PIGU: variants seen among roughly 807,000 people sequenced by gnomAD.
PIGU encodes GPI-anchor transamidase component PIGU.
In PIGU, 24 loss-of-function variants were observed where a neutral mutation model predicts 49.9. The observed-to-expected ratio is 0.48, with a 90% CI of 0.35 to 0.68. PIGU has a LOEUF of 0.68. Among genes scored for constraint, PIGU ranks in the 30% least tolerant of loss-of-function variants. The probability of loss-of-function intolerance (pLI) is 0.01; values close to 1 mark genes in which losing one functional copy is unlikely to be tolerated. For synonymous variants in PIGU, 220 were observed against 205.7 expected, an observed-to-expected ratio of 1.07 and a Z score of -0.59; for missense variants, 490 against 532.6, an observed-to-expected ratio of 0.92 and a Z score of 0.79.
chr20:34,653,059 G>A (rs1379608551), intron 2 of PIGU, among the ~76,000 whole-genome samples: 2 of 150,460 alleles, frequency 1.3e-5, no homozygotes, highest in South Asian at 2.1e-4. Flanking sequence ...TGCAAGCTCC[G>A]CCTCCCAGGT....
chr20:34,625,216 G>A (rs1361697574), intron 6 of PIGU, among the ~76,000 whole-genome samples: 1 of 151,742 alleles, frequency 6.6e-6, no homozygotes, highest in Non-Finnish European at 1.5e-5. Context: ...TACTAAAAAT[G>A]CAAAATTCGG....
rs6059966 is a variant in PIGU at position 34,649,167 on chromosome 20, T to C, written c.196-3833A>G. ...CAGGTGTGAGCCACCACGCCCGGTC[T>C]GTTTTATTTTGAACTTATGTTCAAA... is the stretch of plus-strand genomic sequence containing the variant. On this transcript the variant is annotated intron_variant, in intron 2 of 11. Coordinates refer to ENST00000217446, the MANE Select transcript of PIGU (RefSeq NM_080476.5). Among the ~76,000 whole-genome samples, 627 of 152,012 alleles carry C rather than the reference T, an allele frequency of 4.1e-3. 14 individuals carry two copies. Among genetic ancestry groups the C allele is most frequent in the African/African-American group, 0.014 (566 of 41,430 alleles).
intron 7 of PIGU, among the ~76,000 whole-genome samples, chr20:34,607,771 CTGCACAGAGTTG>C: frequency 6.6e-6 from 1 of 152,148 alleles, no homozygotes; most frequent in Non-Finnish European, 1.5e-5. Flanking sequence ...TGCTGTGGGA[CTGCACAGAGTTG>C]TGCACAGAGT....
chr20:34,658,515 T>C (rs1986789930), intron 1 of PIGU, among the ~76,000 whole-genome samples: 1 of 150,796 alleles, frequency 6.6e-6, no homozygotes, highest in Admixed American at 6.6e-5. Context: ...GAGGAGCCTC[T>C]CTGCCCAGCC....
intron 2 of PIGU, among the ~76,000 whole-genome samples, chr20:34,649,523 A>ATT (rs113251878): frequency 1.5e-5 from 2 of 136,124 alleles, no homozygotes; most frequent in African/African-American, 2.7e-5. Context: ...TCATCTATAC[A>ATT]TTTTTTTTTT....
At chr20:34,673,434 T>A (rs547112636) in intron 1 of PIGU, among the ~76,000 whole-genome samples, 3 of 152,134 alleles carry the variant, frequency 2.0e-5, no homozygotes, top group Admixed American at 6.6e-5. Context: ...TCCCAAATGA[T>A]ACAAATAATC....
Position 34,634,726 on chromosome 20 carries a change from AC to A in PIGU, c.429-12del, listed in dbSNP as rs1249442506. The A allele has an allele frequency of 6.2e-7, 1 of 1,610,198 alleles. No individual in the cohort carries two copies. Among genetic ancestry groups the A allele is most frequent in the Non-Finnish European group, 8.5e-7 (1 of 1,177,302 alleles). ...GGATTTAAGAGATAGCTGGGGAAGAACAAACATATTTGGCATTAGTAATCCT... is the reference window on the plus strand; with the variant it reads ...GGATTTAAGAGATAGCTGGGGAAGAAAAACATATTTGGCATTAGTAATCCT... On this transcript the variant is annotated splice_polypyrimidine_tract_variant and intron_variant, in intron 5 of 11. Coordinates refer to ENST00000217446, the MANE Select transcript of PIGU (RefSeq NM_080476.5).
At chr20:34,620,825 A>AC (rs1195103354) in intron 6 of PIGU, among the ~76,000 whole-genome samples, 1 of 151,498 alleles carries the variant, frequency 6.6e-6, no homozygotes, top group Admixed American at 6.6e-5. Flanking sequence ...AAAAACAAAA[A>AC]AAAAAAAACA....
chr20:34,607,343 TA>T (rs987506988), intron 7 of PIGU, among the ~76,000 whole-genome samples: 2 of 151,968 alleles, frequency 1.3e-5, no homozygotes, highest in African/African-American at 4.8e-5. Flanking sequence ...CCTGTACTCA[TA>T]AAAACCCCAG....
At chr20:34,568,057 G>A (rs1472311674) in intron 11 of PIGU, among the ~76,000 whole-genome samples, 1 of 152,080 alleles carries the variant, frequency 6.6e-6, no homozygotes, top group Non-Finnish European at 1.5e-5. Context: ...TTCACCCCTC[G>A]CAGAGTGCCT....
chr20:34,673,269 A>AC (rs1987372570), intron 1 of PIGU, among the ~76,000 whole-genome samples: 1 of 151,872 alleles, frequency 6.6e-6, no homozygotes, highest in African/African-American at 2.4e-5. Flanking sequence ...AAAAAAAAAA[A>AC]AAAATGTAAA....
At chr20:34,673,947 G>C (rs1987399867) in intron 1 of PIGU, among the ~76,000 whole-genome samples, 1 of 152,008 alleles carries the variant, frequency 6.6e-6, no homozygotes, top group Non-Finnish European at 1.5e-5. Context: ...CAGCTACTTG[G>C]GAGGCTGAGG....
intron 11 of PIGU, chr20:34,562,394 A>G: frequency 7.8e-7 from 1 of 1,274,386 alleles, no homozygotes; most frequent in Non-Finnish European, 1.0e-6. Flanking sequence ...TAAGCCTGGG[A>G]TCTAGACCTC....
chr20:34,575,069 T>C, intron 11 of PIGU, 35 bp downstream of exon 11: 1 of 1,609,272 alleles, frequency 6.2e-7, no homozygotes, highest in Admixed American at 1.7e-5. Flanking sequence ...AATGAATTCC[T>C]GTCCCCAAGC....
chr20:34,587,647 A>G (rs1255037526), intron 8 of PIGU, among the ~76,000 whole-genome samples: 1 of 152,044 alleles, frequency 6.6e-6, no homozygotes, highest in East Asian at 1.9e-4. Flanking sequence ...TTATCTCCCC[A>G]TTCTCCCACC....
At chr20:34,642,778 CAA>C (rs1254650513) in intron 4 of PIGU, among the ~76,000 whole-genome samples, 1 of 59,788 alleles carries the variant, frequency 1.7e-5, no homozygotes, top group Non-Finnish European at 3.1e-5. Context: ...GATTCACTTT[CAA>C]AAAGTTTCAC....
rs144042285 is a variant in PIGU at position 34,637,900 on chromosome 20, T to C, written c.404A>G (p.Tyr135Cys). 553 of 1,610,772 alleles carry C rather than the reference T, an allele frequency of 3.4e-4. 1 individual carries two copies. The highest frequency in any genetic ancestry group is 4.5e-4 in the Non-Finnish European group (536 of 1,178,766). The change falls in exon 5 of 12, where the codon TAC becomes TGC. Residue 135 changes from tyrosine (Y) to cysteine (C), a missense_variant. Coordinates refer to ENST00000217446, the MANE Select transcript of PIGU (RefSeq NM_080476.5). ...CAACAGGGCCACTTTCAAAGGGATG[T>C]AACGCATTTCCATAGGGGTCCGGAT... ...ELIRTPMEMR[Y>C]IPLKVALFYL...
chr20:34,562,391 G>A, intron 11 of PIGU: 1 of 1,268,104 alleles, frequency 7.9e-7, no homozygotes, highest in East Asian at 5.6e-5. Flanking sequence ...AGCTAAGCCT[G>A]GGATCTAGAC....
chr20:34,568,926 T>C (rs1293686368), intron 11 of PIGU, among the ~76,000 whole-genome samples: 3 of 152,092 alleles, frequency 2.0e-5, no homozygotes, highest in African/African-American at 7.2e-5. Flanking sequence ...GGGTGGGTGG[T>C]TGGCCAGGTG....
Sources: gnomAD v4.1 joint callset for allele counts (sites outside exome capture counted in the v4.1 genomes callset) on GRCh38, gnomAD v4.1.1 for gene constraint, MANE v1.5 for transcripts, NCBI Gene and HGNC (gene_info 2026-07-23, HGNC 2026-07-21) for gene names.